Variants in IL1RAPL2 observed in about 807,000 individuals in gnomAD.
IL1RAPL2 encodes the protein interleukin 1 receptor accessory protein like 2.
IL1RAPL2 carries 3 observed loss-of-function variants against 44.1 expected under a neutral mutation model. That is an observed-to-expected ratio of 0.07 (90% confidence interval 0.03 to 0.18). IL1RAPL2 has a LOEUF of 0.18. IL1RAPL2 is among the 10% of genes least tolerant of loss of function. The pLI is 1.00. For synonymous variants in IL1RAPL2, 181 were observed against 178.8 expected, an observed-to-expected ratio of 1.01 and a Z score of -0.10; for missense variants, 391 against 496.4, an observed-to-expected ratio of 0.79 and a Z score of 2.02.
At chrX:105,447,102 TATATAAAAATATATATAAATATAA>T (rs2035963373) in intron 5 of IL1RAPL2, among the ~76,000 whole-genome samples, 1 of 55,275 alleles carries the variant, frequency 1.8e-5, no homozygotes, top group African/African-American at 1.2e-4. Flanking sequence ...TATATATATA[TATATAAAAATATATATAAATATAA>T]ATATATATAT....
At chrX:105,682,073 A>C (rs1348619334) in intron 6 of IL1RAPL2, among the ~76,000 whole-genome samples, 1 of 112,173 alleles carries the variant, frequency 8.9e-6, no homozygotes, top group East Asian at 2.8e-4. Flanking sequence ...TGACAATAAA[A>C]TTTGGTTTTT....
chrX:105,074,120 CCT>C (rs2147540629), intron 2 of IL1RAPL2, among the ~76,000 whole-genome samples: 1 of 111,449 alleles, frequency 9.0e-6, no homozygotes, highest in African/African-American at 3.3e-5. Flanking sequence ...CTTGCCCATG[CCT>C]ATGTCCTGAA....
chrX:105,764,494 TTTAAG>T (rs1284883652), intron 10 of IL1RAPL2, among the ~76,000 whole-genome samples: 2 of 112,079 alleles, frequency 1.8e-5, no homozygotes, highest in Non-Finnish European at 1.9e-5. Flanking sequence ...ATTTCTTTTC[TTTAAG>T]TTGATAGACT....
chrX:105,510,945 T>C (rs1270564410), intron 6 of IL1RAPL2, among the ~76,000 whole-genome samples: 1 of 111,844 alleles, frequency 8.9e-6, no homozygotes, highest in Non-Finnish European at 1.9e-5. Context: ...AATAGATAAC[T>C]AATAGACTTC....
intron 2 of IL1RAPL2, among the ~76,000 whole-genome samples, chrX:104,747,367 T>C (rs886667550): frequency 9.0e-6 from 1 of 111,247 alleles, no homozygotes; most frequent in African/African-American, 3.3e-5. Context: ...TCCTCTTTCC[T>C]TCAACAATTA....
At chrX:105,281,880 T>A (rs1015774788) in intron 5 of IL1RAPL2, among the ~76,000 whole-genome samples, 1 of 111,491 alleles carries the variant, frequency 9.0e-6, no homozygotes, top group African/African-American at 3.3e-5. Context: ...CAGGAAAGTT[T>A]TCAAAGGTGA....
intron 2 of IL1RAPL2, among the ~76,000 whole-genome samples, chrX:105,084,253 C>T (rs2032450944): frequency 8.9e-6 from 1 of 112,536 alleles, no homozygotes; most frequent in Non-Finnish European, 1.9e-5. Context: ...CACTGTCCTC[C>T]AAACCCCAGA....
At chrX:105,412,306 G>GTATATATATATA (rs56979628) in intron 5 of IL1RAPL2, among the ~76,000 whole-genome samples, 3 of 93,189 alleles carry the variant, frequency 3.2e-5, no homozygotes, top group African/African-American at 7.3e-5. Context: ...GAAAAATGTA[G>GTATATATATATA]TATATATATA....
At chrX:104,884,053 A>G (rs946538025) in intron 2 of IL1RAPL2, among the ~76,000 whole-genome samples, 33 of 111,817 alleles carry the variant, frequency 3.0e-4, no homozygotes, top group African/African-American at 1.1e-3. Flanking sequence ...AGAATGCATC[A>G]GTAAGGGCCG....
At chrX:105,202,689 C>T (rs2033727711) in intron 3 of IL1RAPL2, among the ~76,000 whole-genome samples, 1 of 111,799 alleles carries the variant, frequency 8.9e-6, no homozygotes, top group Non-Finnish European at 1.9e-5. Context: ...AGCATAGTTC[C>T]AATTCAGTGG....
At chrX:105,140,943 A>G (rs1468297586) in intron 2 of IL1RAPL2, among the ~76,000 whole-genome samples, 2 of 111,318 alleles carry the variant, frequency 1.8e-5, no homozygotes, top group Non-Finnish European at 3.8e-5. Flanking sequence ...TATCCCAAAA[A>G]GAGGTTGCAA....
intron 7 of IL1RAPL2, among the ~76,000 whole-genome samples, chrX:105,731,290 A>G (rs2038403875): frequency 9.0e-6 from 1 of 110,877 alleles, no homozygotes; most frequent in South Asian, 3.8e-4. Flanking sequence ...GGATAAACTC[A>G]TGGATAAATA....
intron 2 of IL1RAPL2, among the ~76,000 whole-genome samples, chrX:104,899,256 C>T (rs1303780510): frequency 8.9e-6 from 1 of 111,876 alleles, no homozygotes; most frequent in African/African-American, 3.2e-5. Context: ...AAGCTTTAAT[C>T]CTATTTATTT....
intron 9 of IL1RAPL2, among the ~76,000 whole-genome samples, chrX:105,750,214 C>G (rs1162259603): frequency 1.9e-5 from 2 of 106,887 alleles, no homozygotes; most frequent in African/African-American, 6.8e-5. Context: ...TAGTAAATTA[C>G]AGAAATTCTT....
At chrX:105,600,017 G>GTA (rs201694405) in intron 6 of IL1RAPL2, among the ~76,000 whole-genome samples, 1,300 of 111,128 alleles carry the variant, frequency 0.012, 6 homozygotes, top group Non-Finnish European at 0.018. Flanking sequence ...ATATGCATAG[G>GTA]TATATATGTA....
At chrX:105,477,540 G>C (rs1382703232) in intron 5 of IL1RAPL2, among the ~76,000 whole-genome samples, 1 of 111,890 alleles carries the variant, frequency 8.9e-6, no homozygotes, top group Non-Finnish European at 1.9e-5. Flanking sequence ...CATTCATTCT[G>C]TGTTCAATTT....
At chrX:104,944,756 C>T (rs183105240) in intron 2 of IL1RAPL2, among the ~76,000 whole-genome samples, 65 of 111,271 alleles carry the variant, frequency 5.8e-4, no homozygotes, top group African/African-American at 2.0e-3. Context: ...TTCTGTGCCT[C>T]GGGATTTTTT....
intron 2 of IL1RAPL2, among the ~76,000 whole-genome samples, chrX:104,902,391 AT>A (rs1471779465): frequency 8.9e-6 from 1 of 112,065 alleles, no homozygotes; most frequent in East Asian, 2.8e-4. Flanking sequence ...AACCGAAACA[AT>A]TTTTTGTTCT....
At position 105,040,537 on chromosome X, in the gene IL1RAPL2, T is replaced by A. The variant is rs769415363; in HGVS notation, c.83-154938T>A. Among the ~76,000 whole-genome samples the A allele has an allele frequency of 4.0e-3, 443 of 110,776 alleles. 4 individuals carry two copies. The highest frequency in any genetic ancestry group is 0.014 in the African/African-American group (430 of 29,919). On this transcript the variant is annotated intron_variant, in intron 2 of 10. Transcript: ENST00000372582. Reference sequence around the variant, plus strand: ...GGACTCCTTTTGGTTGGTAAGCTATTGATTATTGCCACAATTTCAGATCCT... The same window carrying A: ...GGACTCCTTTTGGTTGGTAAGCTATAGATTATTGCCACAATTTCAGATCCT...
Sources: gnomAD v4.1 joint callset for allele counts (sites outside exome capture counted in the v4.1 genomes callset) on GRCh38, gnomAD v4.1.1 for gene constraint, MANE v1.5 for transcripts, NCBI Gene and HGNC (gene_info 2026-07-23, HGNC 2026-07-21) for gene names.